ASMT: variants seen among roughly 807,000 people sequenced by gnomAD.
The protein encoded by ASMT is acetylserotonin O-methyltransferase, also known as acetylserotonin N-methyltransferase.
A neutral mutation model predicts 41.3 loss-of-function variants in ASMT; 53 were observed. The observed-to-expected ratio is 1.28, with a 90% CI of 1.03 to 1.61. The LOEUF is 1.61. ASMT is among the 40% of genes most tolerant of loss of function. ASMT has a pLI of 0.00. For missense variants in ASMT, 531 were observed against 441.3 expected, an observed-to-expected ratio of 1.20 and a Z score of -1.82; for synonymous variants, 231 against 184.8, an observed-to-expected ratio of 1.25 and a Z score of -2.03.
At chrX:1,628,519 G>A (rs1362647614) in intron 4 of ASMT, among the ~76,000 whole-genome samples, 1 of 152,060 alleles carries the variant, frequency 6.6e-6, no homozygotes, top group Non-Finnish European at 1.5e-5. Flanking sequence ...GCTGAGGCAT[G>A]GAGTAGGGAA....
chrX:1,623,115 T>G (rs762946657), intron 1 of ASMT, 24 bp from the exon 2 acceptor site: 39 of 1,611,866 alleles, frequency 2.4e-5, no homozygotes, highest in Non-Finnish European at 3.2e-5. Flanking sequence ...AGCCCTGACC[T>G]TTTATTTCCG....
rs1569385078 is a variant in ASMT at position 1,637,454 on chromosome X, G to GCT, written c.910+894_910+895insCT. 2.6e-4 allele frequency among the ~76,000 whole-genome samples: 2 copies of GCT among 7,822 alleles called. 1 individual carries two copies. The highest frequency in any genetic ancestry group is 1.2e-3 in the African/African-American group (2 of 1,612). The allele number at this position is 7,822 out of a possible 152,430, so 5.1% of individuals were successfully genotyped here. A position where few individuals can be genotyped will look rare whatever the true frequency, so the allele number is the denominator to read the frequency against. ...TCCTGTGAGGTCCACCCATCCTGAT[G>GCT]GCACATGAGGATGTGGGCACAGCCT... On this transcript the variant is annotated intron_variant, in intron 8 of 8. Transcript: ENST00000381241.
At chrX:1,618,416 G>C (rs1201289722) in intron 1 of ASMT, among the ~76,000 whole-genome samples, 5 of 141,978 alleles carry the variant, frequency 3.5e-5, no homozygotes, top group African/African-American at 1.3e-4. Flanking sequence ...TGCCTGCCTC[G>C]GCCTTCCAAA....
intron 8 of ASMT, among the ~76,000 whole-genome samples, chrX:1,640,610 C>CTG (rs1365464184): frequency 1.8e-4 from 5 of 28,264 alleles, no homozygotes; most frequent in African/African-American, 4.1e-4. Flanking sequence ...GGCACAGCCT[C>CTG]TGTGTGTGAG....
intron 1 of ASMT, among the ~76,000 whole-genome samples, chrX:1,620,507 G>C (rs1353971961): frequency 6.6e-6 from 1 of 151,950 alleles, no homozygotes; most frequent in East Asian, 1.9e-4. Flanking sequence ...TACAAGCTTA[G>C]AATAATAAAC....
Position 1,615,400 on chromosome X carries a change from T to C in ASMT, c.69+132T>C, listed in dbSNP as rs1157774696. On this transcript the variant is annotated intron_variant, in intron 1 of 8. Transcript: ENST00000381241. Reference sequence around the variant, plus strand: ...GGTTTATTTTCCACCGTGAAAGACGTACACCCACGATGTAGCCTCAGGAGT... The same window carrying C: ...GGTTTATTTTCCACCGTGAAAGACGCACACCCACGATGTAGCCTCAGGAGT... 1.9e-5 allele frequency: 18 copies of C among 937,050 alleles called. No homozygotes were observed. In the African/African-American group the frequency reaches 2.9e-4, roughly 15 times the overall value. The allele number at this position is 937,050 out of a possible 1,614,324, so 58.0% of individuals were successfully genotyped here. A position where few individuals can be genotyped will look rare whatever the true frequency, so the allele number is the denominator to read the frequency against.
intron 1 of ASMT, among the ~76,000 whole-genome samples, chrX:1,621,325 AT>A (rs1191868589): frequency 2.5e-4 from 38 of 149,082 alleles, no homozygotes; most frequent in Admixed American, 8.7e-4. Context: ...TTCTTGTTTT[AT>A]TTTTTTTTTG....
rs188760035 is a variant in ASMT, at chrX:1,629,327, G to T, written c.444-494G>T. ...GACAGGAGGAGAGAGGGAGCTGTGG[G>T]GGGGGAGGAGCAGGAAATGCTTCCA... On this transcript the variant is annotated intron_variant, in intron 4 of 8. Transcript: ENST00000381241. Among the ~76,000 whole-genome samples, 375 of 152,212 alleles carry T rather than the reference G, an allele frequency of 2.5e-3. 2 individuals carry two copies. Among genetic ancestry groups the T allele is most frequent in the African/African-American group, 7.9e-3 (328 of 41,552 alleles).
rs760323130 is a variant in ASMT, at chrX:1,615,267, A to C, written c.68A>C (p.Gln23Pro). 8.8e-6 allele frequency: 14 copies of C among 1,591,168 alleles called. No individual in the cohort carries two copies. The highest frequency in any genetic ancestry group is 5.3e-5 in the Admixed American group (3 of 56,152). ...TACGCCAACGGCTTCATGGTGTCCC[A>C]GGTAGGATACGCTCTGTGGGACAAG... is the stretch of plus-strand genomic sequence containing the variant. ...NDYANGFMVS[Q>P]VLFAACELGV... The change falls in exon 1 of 9, where the codon CAG (glutamine) becomes CCG (proline). Residue 23 changes from glutamine to proline, a missense_variant and splice_region_variant. Physicochemically the swap from Gln to Pro is moderately conservative, Grantham distance 76. Coordinates refer to ENST00000381241, the MANE Select transcript of ASMT (RefSeq NM_001171038.2).
At chrX:1,626,997 C>A (rs1603461383) in intron 3 of ASMT, among the ~76,000 whole-genome samples, 1 of 148,222 alleles carries the variant, frequency 6.7e-6, no homozygotes, top group African/African-American at 2.5e-5. Context: ...CCATTGCACT[C>A]CAGCCTGGGC....
rs776937576 is a variant in ASMT at position 1,636,386 on chromosome X, C to G, written c.788-52C>G. The G allele has an allele frequency of 1.1e-5, 17 of 1,613,768 alleles. 1 individual carries two copies. The highest frequency in any genetic ancestry group is 4.5e-5 in the East Asian group (2 of 44,892). ...CTTTTGTGCCCAGAATAGGTTTAGT[C>G]AAATGGGATTGGATTGCAGGCTGAC... On this transcript the variant is annotated intron_variant, in intron 7 of 8. Coordinates refer to ENST00000381241, the MANE Select transcript of ASMT (RefSeq NM_001171038.2).
chrX:1,636,325 G>C, intron 7 of ASMT, 113 bp from the exon 8 acceptor site: 1 of 1,493,830 alleles, frequency 6.7e-7, no homozygotes, highest in Non-Finnish European at 9.3e-7. Context: ...TGACTAGCCT[G>C]GAAGACCTGG....
At chrX:1,617,321 T>C (rs1478416752) in intron 1 of ASMT, among the ~76,000 whole-genome samples, 1 of 151,200 alleles carries the variant, frequency 6.6e-6, no homozygotes, top group African/African-American at 2.4e-5. Flanking sequence ...AGTATAAAAA[T>C]TAGCCAGGCA....
At chrX:1,619,128 G>A (rs2149460371) in intron 1 of ASMT, among the ~76,000 whole-genome samples, 1 of 152,226 alleles carries the variant, frequency 6.6e-6, no homozygotes, top group South Asian at 2.1e-4. Context: ...AGGCACAGTG[G>A]CTCACGCCTG....
At position 1,624,330 on chromosome X, in the gene ASMT, A is replaced by C. The variant is rs761098686; in HGVS notation, c.306A>C (p.Gln102His). 25 of 1,613,946 alleles carry C rather than the reference A, an allele frequency of 1.5e-5. No individual in the cohort carries two copies. The highest frequency in any genetic ancestry group is 2.1e-5 in the Non-Finnish European group (25 of 1,179,858). The stretch of plus-strand genomic sequence containing the variant: ...TGACCACGGTCAGCCCGACGTCACA[A>C]TGCAGCATGCTGAAGTACATGGGCA... ...DYLTTVSPTS[Q>H]CSMLKYMGRT... The change falls in exon 3 of 9, where the codon CAA (glutamine) becomes CAC (histidine). Residue 102 changes from glutamine to histidine, a missense_variant. Physicochemically the swap from Gln to His is conservative, Grantham distance 24. Transcript: ENST00000381241.
Position 1,627,653 on chromosome X carries a change from T to C in ASMT, c.375-50T>C, listed in dbSNP as rs374931541. 3.5e-5 allele frequency: 48 copies of C among 1,360,596 alleles called. 2 individuals are homozygous for C. The highest frequency in any genetic ancestry group is 1.9e-4 in the Middle Eastern group (1 of 5,282). The allele number at this position is 1,360,596 out of a possible 1,614,324, so 84.3% of individuals were successfully genotyped here. A position where few individuals can be genotyped will look rare whatever the true frequency, so the allele number is the denominator to read the frequency against. ...TGAAACGAAATGAAATGAAATGAAA[T>C]GAAATGAAATGAAATGAAATGAAAA... On this transcript the variant is annotated intron_variant, in intron 3 of 8. Transcript: ENST00000381241.
intron 3 of ASMT, 70 bp from the exon 4 acceptor site, chrX:1,627,633 C>CGAAATGAAAT (rs542448808): frequency 0.011 from 13,496 of 1,199,310 alleles, 140 homozygotes; most frequent in Middle Eastern, 0.022. Context: ...CGAAATGAAA[C>CGAAATGAAAT]GAAATGAAAT....
chrX:1,615,563 G>A (rs1381953037), intron 1 of ASMT, among the ~76,000 whole-genome samples: 1 of 152,066 alleles, frequency 6.6e-6, no homozygotes, highest in African/African-American at 2.4e-5. Flanking sequence ...AGCACTTTGG[G>A]AGGCTGAGGC....
intron 1 of ASMT, among the ~76,000 whole-genome samples, chrX:1,617,389 G>C (rs1284141834): frequency 1.3e-5 from 2 of 149,042 alleles, no homozygotes; most frequent in East Asian, 2.1e-4. Context: ...AGAATTGCTT[G>C]AACCCGGAGG....
Sources: gnomAD v4.1 joint callset for allele counts (sites outside exome capture counted in the v4.1 genomes callset) on GRCh38, gnomAD v4.1.1 for gene constraint, MANE v1.5 for transcripts, NCBI Gene and HGNC (gene_info 2026-07-23, HGNC 2026-07-21) for gene names.